Variants in PPEF1 observed in about 807,000 individuals in gnomAD.
The protein encoded by PPEF1 is protein phosphatase with EF-hand domain 1.
Under a neutral mutation model 53.3 loss-of-function variants are expected in PPEF1, and 12 were observed. The ratio of observed to expected loss-of-function variants is 0.23; its 90% CI spans 0.14 to 0.36. PPEF1 has a LOEUF of 0.36. Among genes scored for constraint, PPEF1 ranks in the 10% least tolerant of loss-of-function variants. The probability of loss-of-function intolerance (pLI) is 1.00; values close to 1 mark genes in which losing one functional copy is unlikely to be tolerated. For missense variants in PPEF1, 334 were observed against 490.4 expected, an observed-to-expected ratio of 0.68 and a Z score of 3.01; for synonymous variants, 165 against 176.7, an observed-to-expected ratio of 0.93 and a Z score of 0.52.
chrX:18,811,613 ATATTTT>A (rs1370404159), intron 12 of PPEF1, among the ~76,000 whole-genome samples: 21 of 12,248 alleles, frequency 1.7e-3, no homozygotes, highest in Middle Eastern at 0.038. Context: ...ATATATATAT[ATATTTT>A]TTTTTTTTTT....
chrX:18,742,587 A>G (rs1168235158), intron 3 of PPEF1, among the ~76,000 whole-genome samples: 1 of 111,462 alleles, frequency 9.0e-6, no homozygotes, highest in Non-Finnish European at 1.9e-5. Context: ...GGCCAGGTGC[A>G]GTAACTCATG....
chrX:18,777,498 CTTTTCTT>C (rs940330965), intron 6 of PPEF1, among the ~76,000 whole-genome samples: 16 of 111,451 alleles, frequency 1.4e-4, no homozygotes, highest in Admixed American at 6.6e-4. Flanking sequence ...TTTTTCTTTT[CTTTTCTT>C]TTTTCTTTTC....
intron 3 of PPEF1, among the ~76,000 whole-genome samples, chrX:18,737,460 C>G (rs1051409021): frequency 2.7e-5 from 3 of 111,912 alleles, no homozygotes; most frequent in African/African-American, 9.7e-5. Flanking sequence ...ATCCTGAGTT[C>G]TAGTTTGATT....
At position 18,782,354 on chromosome X, in the gene PPEF1, A is replaced by AT. The variant is rs764954046; in HGVS notation, c.726-3dup. The AT allele has an allele frequency of 3.2e-4, 363 of 1,117,944 alleles. No individual in the cohort carries two copies. The highest frequency in any genetic ancestry group is 1.0e-3 in the Admixed American group (40 of 39,659). The allele number at this position is 1,117,944 out of a possible 1,213,427, so 92.1% of individuals were successfully genotyped here. A position where few individuals can be genotyped will look rare whatever the true frequency, so the allele number is the denominator to read the frequency against. ...TCAACAATCAAATCATTTAAATCCC[A>AT]TTTTTTTTTAGGTATGGCTTCACGA... On this transcript the variant is annotated splice_polypyrimidine_tract_variant and intron_variant, in intron 7 of 15. Transcript: ENST00000470157.
chrX:18,677,285 C>T (rs1335712500), intron 1 of PPEF1, among the ~76,000 whole-genome samples: 2 of 112,012 alleles, frequency 1.8e-5, no homozygotes, highest in Admixed American at 9.5e-5. Flanking sequence ...GTGATCCGCC[C>T]ACCTCGGCCT....
At position 18,700,240 on chromosome X, in the gene PPEF1, GGTGTGTGTGTGTGTGTGTGT is replaced by G. The variant is rs59189184; in HGVS notation, c.-225-70_-225-51del. The G allele has an allele frequency of 9.3e-5, 5 of 53,867 alleles. No individual in the cohort carries two copies. In the East Asian group the frequency reaches 1.7e-3, roughly 19 times the overall value. The allele number at this position is 53,867 out of a possible 1,213,427, so 4.4% of individuals were successfully genotyped here. On this transcript the variant is annotated intron_variant, in intron 5 of 21. Transcript: ENST00000361511. The stretch of plus-strand genomic sequence containing the variant: ...AGCAAGAGCTCTCTCTGCAGAGTGG[GGTGTGTGTGTGTGTGTGTGT>G]GTGTGTGTGTGTGTGTGTGTGTTTG...
chrX:18,780,908 T>C (rs945303443), intron 7 of PPEF1, among the ~76,000 whole-genome samples: 1 of 109,209 alleles, frequency 9.2e-6, no homozygotes, highest in African/African-American at 3.3e-5. Flanking sequence ...ACAAAAAAAT[T>C]AGCCGGGCAT....
At chrX:18,782,841 G>A (rs1028858563) in intron 8 of PPEF1, among the ~76,000 whole-genome samples, 3 of 109,619 alleles carry the variant, frequency 2.7e-5, no homozygotes, top group African/African-American at 1.0e-4. Flanking sequence ...GGCTGAGCAC[G>A]GTGGCTCACA....
chrX:18,740,775 T>C (rs954050379), intron 3 of PPEF1, among the ~76,000 whole-genome samples: 1 of 111,286 alleles, frequency 9.0e-6, no homozygotes. Context: ...AGGCAGGCAA[T>C]GGAGGTGTAG....
intron 4 of PPEF1, among the ~76,000 whole-genome samples, chrX:18,693,203 T>G (rs1192326005): frequency 1.8e-5 from 2 of 111,909 alleles, no homozygotes; most frequent in African/African-American, 6.5e-5. Flanking sequence ...CCAGGCTGCT[T>G]TAGTCATTTG....
At chrX:18,725,518 G>T (rs1239681356) in intron 1 of PPEF1, among the ~76,000 whole-genome samples, 1 of 111,685 alleles carries the variant, frequency 9.0e-6, no homozygotes, top group Non-Finnish European at 1.9e-5. Flanking sequence ...GAAGCAGACA[G>T]GAAGGAGTGT....
At chrX:18,716,080 A>T (rs1256393283) in intron 1 of PPEF1, among the ~76,000 whole-genome samples, 1 of 111,967 alleles carries the variant, frequency 8.9e-6, no homozygotes, top group Non-Finnish European at 1.9e-5. Flanking sequence ...TTGTGGTTTG[A>T]TGCGTAAGCT....
At chrX:18,698,681 A>T in intron 5 of PPEF1, among the ~76,000 whole-genome samples, 1 of 111,572 alleles carries the variant, frequency 9.0e-6, no homozygotes, top group Non-Finnish European at 1.9e-5. Context: ...GCTCCTCGGG[A>T]GGCTGAGGCA....
intron 9 of PPEF1, among the ~76,000 whole-genome samples, chrX:18,787,051 C>T (rs917481621): frequency 1.8e-5 from 2 of 111,763 alleles, no homozygotes; most frequent in Non-Finnish European, 3.8e-5. Context: ...GTGTCTTCTA[C>T]CCTTCCTTGA....
chrX:18,733,960 G>T lies in PPEF1; in HGVS notation c.235+152G>T. The T allele has an allele frequency of 1.2e-5, 5 of 433,801 alleles. No individual in the cohort carries two copies. The South Asian group carries it at 1.9e-4, about 16-fold the overall frequency. 35.8% of individuals were successfully genotyped at this position (433,801 alleles called of 1,213,427 possible). On this transcript the variant is annotated intron_variant, in intron 3 of 15. Coordinates refer to ENST00000470157, the MANE Select transcript of PPEF1 (RefSeq NM_001377996.1). The stretch of plus-strand genomic sequence containing the variant: ...TGACACCCAACAACTGGCAACATCA[G>T]TTCAAGTGGCCTTTTTCCCTCTCTG...
chrX:18,778,077 T>C (rs2046005980), intron 6 of PPEF1, among the ~76,000 whole-genome samples: 1 of 111,377 alleles, frequency 9.0e-6, no homozygotes, highest in South Asian at 3.8e-4. Flanking sequence ...ACATGCATTT[T>C]TATATATGAG....
At chrX:18,740,840 A>G (rs913927453) in intron 3 of PPEF1, among the ~76,000 whole-genome samples, 1 of 110,874 alleles carries the variant, frequency 9.0e-6, no homozygotes, top group African/African-American at 3.3e-5. Flanking sequence ...TCTCCTGCAA[A>G]TTAAGATCTG....
chrX:18,792,654 T>G (rs2046344370), intron 10 of PPEF1, among the ~76,000 whole-genome samples: 1 of 111,927 alleles, frequency 8.9e-6, no homozygotes, highest in South Asian at 3.7e-4. Flanking sequence ...TTGTTGTCTA[T>G]TCTCTATTTC....
chrX:18,757,277 T>A (rs1239780940), intron 4 of PPEF1, among the ~76,000 whole-genome samples: 1 of 111,116 alleles, frequency 9.0e-6, no homozygotes, highest in South Asian at 3.8e-4. Context: ...TTTTGGAGTA[T>A]GTATTTATAA....
Sources: gnomAD v4.1 joint callset for allele counts (sites outside exome capture counted in the v4.1 genomes callset) on GRCh38, gnomAD v4.1.1 for gene constraint, MANE v1.5 for transcripts, NCBI Gene and HGNC (gene_info 2026-07-23, HGNC 2026-07-21) for gene names.